The following AKNA variants were observed in gnomAD, a reference collection of about 807,000 sequenced individuals.
The protein encoded by AKNA is AT-hook transcription factor.
Under a neutral mutation model 138.8 loss-of-function variants are expected in AKNA, and 67 were observed. The observed-to-expected ratio is 0.48, with a 90% CI of 0.40 to 0.59. The LOEUF (loss-of-function observed/expected upper bound fraction) is 0.59. AKNA is among the 20% of genes least tolerant of loss of function. The probability of loss-of-function intolerance (pLI) is 0.00; values close to 1 mark genes in which losing one functional copy is unlikely to be tolerated. For synonymous variants in AKNA, 737 were observed against 754.4 expected (o/e 0.98, Z 0.38); for missense variants, 1,813 against 1,880.4 (o/e 0.96, Z 0.66).
chr9:114,387,359 C>T (rs547372374), intron 1 of AKNA, among the ~76,000 whole-genome samples: 1 of 152,242 alleles, frequency 6.6e-6, no homozygotes. Flanking sequence ...GTTGCCAGCT[C>T]TGGTCTTGCC....
rs1833335806 is a variant in AKNA at position 114,377,544 on chromosome 9, G to A, written c.275-12C>T. The A allele has an allele frequency of 6.3e-7, 1 of 1,581,288 alleles. No individual in the cohort carries two copies. ...CTCTGCTTCAGCCTCTGGAAAGACA[G>A]GCCATTCACTTCTTAGCATATACCA... On this transcript the variant is annotated splice_polypyrimidine_tract_variant and intron_variant, in intron 2 of 21. Transcript: ENST00000374088.
At chr9:114,390,530 G>A (rs1834293195), upstream of AKNA, among the ~76,000 whole-genome samples, 1 of 152,128 alleles carries the variant, frequency 6.6e-6, no homozygotes, top group South Asian at 2.1e-4. Flanking sequence ...CCCCACGTGG[G>A]TCCCTGGATC....
At chr9:114,388,111 G>A (rs1043032621), upstream of AKNA, 1 of 268,482 alleles carries the variant, frequency 3.7e-6, no homozygotes, top group African/African-American at 2.2e-5. Context: ...GTCAGAAGGA[G>A]GGGGTTTGTC....
chr9:114,332,501 T>C (rs554026486), downstream of AKNA, among the ~76,000 whole-genome samples: 69 of 152,068 alleles, frequency 4.5e-4, 1 homozygote, highest in Admixed American at 2.8e-3. Flanking sequence ...GATGAGCTGG[T>C]TCCAATTTTT....
intron 4 of AKNA, 62 bp downstream of exon 4, chr9:114,374,031 T>C (rs1461415296): frequency 7.3e-6 from 11 of 1,515,262 alleles, no homozygotes; most frequent in Admixed American, 2.0e-5. Context: ...TCTAGGACTA[T>C]GGAAAAGTGT....
chr9:114,331,189 G>A (rs1336580030), downstream of AKNA, among the ~76,000 whole-genome samples: 1 of 152,108 alleles, frequency 6.6e-6, no homozygotes, highest in Non-Finnish European at 1.5e-5. Flanking sequence ...GTAGAAGCCT[G>A]TATGTTGGAG....
At chr9:114,339,045 C>G (rs1830170253) in intron 21 of AKNA, among the ~76,000 whole-genome samples, 1 of 152,234 alleles carries the variant, frequency 6.6e-6, no homozygotes, top group African/African-American at 2.4e-5. Flanking sequence ...AGAGGCTCCT[C>G]AAATTACGAT....
rs113207990 is a variant in AKNA at position 114,341,565 on chromosome 9, C to A, written c.4035G>T (p.Ser1345=). ...PAPPAFAYIS[S]VPIMPYPPAA... is the part of the protein sequence containing the mutation. ...CAGGTGGATAAGGCATGATGGGAAC[C>A]GAGGAGATGTAGGCAAAGGCTGGAG... Residue 1345 remains serine, a synonymous_variant, in exon 21 of 22, where the codon TCG becomes TCT. Transcript: ENST00000374088. The A allele has an allele frequency of 3.7e-6, 6 of 1,613,832 alleles. No individual in the cohort carries two copies. Among genetic ancestry groups the A allele is most frequent in the Non-Finnish European group, 4.2e-6 (5 of 1,179,940 alleles).
chr9:114,363,291 C>T (rs1197906022), intron 7 of AKNA, among the ~76,000 whole-genome samples: 2 of 152,202 alleles, frequency 1.3e-5, no homozygotes, highest in African/African-American at 4.8e-5. Flanking sequence ...GCTAAAGCTG[C>T]AGGAATTGGG....
chr9:114,339,978 A>G lies in AKNA; in HGVS notation c.4067+1555T>C, dbSNP rs118113674. On this transcript the variant is annotated intron_variant, in intron 21 of 21. Transcript: ENST00000374088. ...GCCGGGTGTGGTGGCACACTATTGTATTCCCAGCTACTTGAGAGGAGGAGG... is the reference window on the plus strand; with the variant it reads ...GCCGGGTGTGGTGGCACACTATTGTGTTCCCAGCTACTTGAGAGGAGGAGG... Among the ~76,000 whole-genome samples the G allele has an allele frequency of 1.3e-3, 204 of 152,290 alleles. 5 individuals carry two copies. The East Asian group carries it at 0.033, about 25-fold the overall frequency.
intron 6 of AKNA, among the ~76,000 whole-genome samples, chr9:114,367,279 C>A (rs950745758): frequency 8.5e-5 from 13 of 152,066 alleles, no homozygotes; most frequent in African/African-American, 2.4e-4. Flanking sequence ...GAGACACTTC[C>A]AAGCACAAGT....
downstream of AKNA, chr9:114,330,856 A>C (rs377242208): frequency 1.1e-5 from 18 of 1,613,254 alleles, no homozygotes; most frequent in Non-Finnish European, 1.5e-5. Context: ...GACCGTCTCC[A>C]GATACGGTGA....
chr9:114,352,064 G>A (rs1428960673), intron 14 of AKNA, among the ~76,000 whole-genome samples: 1 of 152,146 alleles, frequency 6.6e-6, no homozygotes, highest in Non-Finnish European at 1.5e-5. Flanking sequence ...GCTTACCAGG[G>A]GTTAAGGACA....
At chr9:114,376,381 C>T (rs758856987) in intron 3 of AKNA, 85 bp downstream of exon 3, 5 of 1,251,248 alleles carry the variant, frequency 4.0e-6, no homozygotes, top group South Asian at 1.2e-5. Flanking sequence ...CCAGCCTCTA[C>T]TCCAGGCCTC....
chr9:114,352,007 G>A (rs935314109), intron 14 of AKNA, among the ~76,000 whole-genome samples: 1 of 152,172 alleles, frequency 6.6e-6, no homozygotes, highest in African/African-American at 2.4e-5. Context: ...TCTATTTATA[G>A]AACATTCTTG....
At chr9:114,349,401 C>T (rs184227979) in intron 15 of AKNA, among the ~76,000 whole-genome samples, 16 of 152,318 alleles carry the variant, frequency 1.1e-4, no homozygotes, top group Admixed American at 2.0e-4. Flanking sequence ...CTGAACATCC[C>T]TGAAGTTAAT....
intron 14 of AKNA, among the ~76,000 whole-genome samples, chr9:114,352,161 C>T (rs760493132): frequency 1.2e-4 from 18 of 152,158 alleles, no homozygotes; most frequent in Non-Finnish European, 2.4e-4. Context: ...ATCTTGACTG[C>T]ATCAATGTCA....
intron 19 of AKNA, 26 bp downstream of exon 19, chr9:114,343,682 C>T (rs1588945928): frequency 1.2e-6 from 2 of 1,611,034 alleles, no homozygotes; most frequent in Non-Finnish European, 1.7e-6. Flanking sequence ...GCTGCCTGGG[C>T]CAGTTTTCCA....
chr9:114,350,820 GA>G, intron 15 of AKNA, 38 bp downstream of exon 15: 1 of 1,517,578 alleles, frequency 6.6e-7, no homozygotes, highest in Non-Finnish European at 8.8e-7. Flanking sequence ...CCGTCTGTAT[GA>G]TGAGCTTGAA....
Sources: gnomAD v4.1 joint callset for allele counts (sites outside exome capture counted in the v4.1 genomes callset) on GRCh38, gnomAD v4.1.1 for gene constraint, MANE v1.5 for transcripts, NCBI Gene and HGNC (gene_info 2026-07-23, HGNC 2026-07-21) for gene names.